The following SPTAN1 variants were observed in gnomAD, a reference collection of about 807,000 sequenced individuals.
The protein encoded by SPTAN1 is spectrin alpha chain, non-erythrocytic 1.
In SPTAN1, 61 loss-of-function variants were observed where a neutral mutation model predicts 331.3. The ratio of observed to expected loss-of-function variants is 0.18; its 90% CI spans 0.15 to 0.23. SPTAN1 has a LOEUF of 0.23. SPTAN1 is among the 10% of genes least tolerant of loss of function. SPTAN1 has a pLI of 1.00. For synonymous variants in SPTAN1, 1,153 were observed against 1,173.9 expected (o/e 0.98, Z 0.36); for missense variants, 2,043 against 3,147.9 (o/e 0.65, Z 8.40).
chr9:128,580,228 T>TA (rs1449002174), intron 10 of SPTAN1, among the ~76,000 whole-genome samples: 1 of 151,544 alleles, frequency 6.6e-6, no homozygotes, highest in Non-Finnish European at 1.5e-5. Flanking sequence ...TATAATGAGT[T>TA]ATGATTTGCA....
chr9:128,588,043 G>C (rs1455841961), intron 20 of SPTAN1, among the ~76,000 whole-genome samples: 4 of 131,104 alleles, frequency 3.1e-5, no homozygotes, highest in Non-Finnish European at 6.3e-5. Flanking sequence ...ATGGAGTCTT[G>C]CTAGAGTGCA....
At chr9:128,626,292 G>A (rs564586129) in intron 48 of SPTAN1, 99 bp from the exon 49 acceptor site, 12 of 1,421,488 alleles carry the variant, frequency 8.4e-6, no homozygotes, top group East Asian at 4.5e-5. Context: ...GGCTGTGTGC[G>A]CCTCTGATTC....
At chr9:128,612,394 G>T in intron 39 of SPTAN1, 148 bp downstream of exon 39, 1 of 1,036,112 alleles carries the variant, frequency 9.7e-7, no homozygotes, top group Admixed American at 2.1e-5. Context: ...GTTGCATGCT[G>T]TAAGGGATTT....
intron 1 of SPTAN1, among the ~76,000 whole-genome samples, chr9:128,564,203 G>A (rs1564190483): frequency 6.6e-6 from 1 of 152,166 alleles, no homozygotes; most frequent in African/African-American, 2.4e-5. Context: ...GGTGGATCAC[G>A]AGGTCAGGAG....
chr9:128,591,393 C>CGT lies in SPTAN1; in HGVS notation c.3007-75_3007-74dup, dbSNP rs1040088927. 2.9e-5 allele frequency: 45 copies of CGT among 1,573,852 alleles called. No homozygotes were observed. In the East Asian group the frequency reaches 7.6e-4, roughly 27 times the overall value. ...TTTGGACCTCTTAAAACAACGCTCT[C>CGT]GTGTGTGTGTATACACGTGACCTCC... On this transcript the variant is annotated intron_variant, in intron 21 of 56. Transcript: ENST00000372739.
intron 41 of SPTAN1, 95 bp downstream of exon 41, chr9:128,615,935 C>A: frequency 7.3e-7 from 1 of 1,365,676 alleles, no homozygotes; most frequent in Non-Finnish European, 1.0e-6. Context: ...GCTGGAAACC[C>A]TGCTGGACTG....
chr9:128,608,786 A>G (rs1856224194), intron 34 of SPTAN1, 88 bp from the exon 35 acceptor site: 1 of 1,325,438 alleles, frequency 7.5e-7, no homozygotes, highest in African/African-American at 1.4e-5. Flanking sequence ...TCAGTCACCC[A>G]AAATAACTAT....
chr9:128,603,212 C>G (rs1424833243), intron 27 of SPTAN1, among the ~76,000 whole-genome samples: 1 of 151,898 alleles, frequency 6.6e-6, no homozygotes, highest in African/African-American at 2.4e-5. Context: ...GAATGTTCTC[C>G]TGTAGTATAG....
rs771512726 is a variant in SPTAN1 at position 128,633,571 on chromosome 9, C to T, written c.*237C>T. 8 of 1,065,474 alleles carry T rather than the reference C, an allele frequency of 7.5e-6. No homozygotes were observed. Among genetic ancestry groups the T allele is most frequent in the Admixed American group, 6.2e-5 (3 of 48,396 alleles). 66.0% of individuals were successfully genotyped at this position (1,065,474 alleles called of 1,614,324 possible). On this transcript the variant is annotated 3_prime_UTR_variant, in exon 57 of 57. Coordinates refer to ENST00000372739, the MANE Select transcript of SPTAN1 (RefSeq NM_001130438.3). The stretch of plus-strand genomic sequence containing the variant: ...TGCCCTCATTCCGACTTCAGAAAAT[C>T]GAAGCAGCTGGCTCCTCCCCTTGTT...
At chr9:128,612,331 A>G (rs1416484723) in intron 39 of SPTAN1, 85 bp downstream of exon 39, 1 of 1,569,136 alleles carries the variant, frequency 6.4e-7, no homozygotes, top group Non-Finnish European at 8.8e-7. Context: ...AAAACCACGA[A>G]AAGGCAGGGC....
rs1856620053 is a variant in SPTAN1 at position 128,611,965 on chromosome 9, T to A, written c.4905+120T>A. ...AAATGGATTATAGAAGACTTTAGGC[T>A]GAATTACAGATGGGGAATGCTAGTG... On this transcript the variant is annotated intron_variant, in intron 38 of 56. Coordinates refer to ENST00000372739, the MANE Select transcript of SPTAN1 (RefSeq NM_001130438.3). The A allele has an allele frequency of 1.6e-5, 25 of 1,601,276 alleles. No individual in the cohort carries two copies. In the South Asian group the frequency reaches 2.8e-4, roughly 18 times the overall value.
rs774659049 is a variant in SPTAN1, at chr9:128,591,497, G to A, written c.3027G>A (p.Val1009=). 5 of 1,614,146 alleles carry A rather than the reference G, an allele frequency of 3.1e-6. No individual in the cohort carries two copies. The highest frequency in any genetic ancestry group is 4.2e-6 in the Non-Finnish European group (5 of 1,180,028). ...STNKDWWKVE[V]NDRQGFVPAA... is the part of the protein sequence containing the mutation. ...CTTAGGATTGGTGGAAAGTGGAAGT[G>A]AACGATCGTCAGGGTTTTGTGCCGG... The change falls in exon 22 of 57, where the codon GTG becomes GTA. Residue 1009 remains valine, a synonymous_variant. Coordinates refer to ENST00000372739, the MANE Select transcript of SPTAN1 (RefSeq NM_001130438.3).
At chr9:128,631,976 C>A in intron 52 of SPTAN1, 151 bp from the exon 53 acceptor site, 1 of 755,028 alleles carries the variant, frequency 1.3e-6, no homozygotes, top group Non-Finnish European at 2.2e-6. Flanking sequence ...TTCAGCTTCA[C>A]CCCATCCCAC....
intron 24 of SPTAN1, among the ~76,000 whole-genome samples, chr9:128,595,360 T>C (rs973801325): frequency 6.6e-6 from 1 of 152,202 alleles, no homozygotes; most frequent in Non-Finnish European, 1.5e-5. Context: ...TCTGCCCACC[T>C]CAGCTTCCCA....
rs1251494639 is a variant in SPTAN1, at chr9:128,612,242, C to G, written c.5039C>G (p.Ser1680Cys). 5 of 1,614,046 alleles carry G rather than the reference C, an allele frequency of 3.1e-6. No individual in the cohort carries two copies. In the African/African-American group the frequency reaches 4.0e-5, roughly 13 times the overall value. The change falls in exon 39 of 57, where the codon TCT (serine) becomes TGT (cysteine). Residue 1680 changes from serine (S) to cysteine (C), a missense_variant. Around this residue, in one of 12 missense-constraint regions of SPTAN1, gnomAD observed 323 missense variants for 581.1 expected, o/e 0.56. Transcript: ENST00000372739. Reference sequence around the variant, plus strand: ...ATCAAGGACTTTGACTTCTGGCTGTCTGAGGTAACACTGAGTGGTTCCTCT... The same window carrying G: ...ATCAAGGACTTTGACTTCTGGCTGTGTGAGGTAACACTGAGTGGTTCCTCT... ...TGIKDFDFWLSEVEALLASED... is the reference protein window; with the variant it reads ...TGIKDFDFWLCEVEALLASED...
At position 128,582,463 on chromosome 9, in the gene SPTAN1, T is replaced by G; in HGVS notation, c.1573-16T>G. 6.2e-7 allele frequency: 1 copy of G among 1,613,632 alleles called. No homozygotes were observed. The highest frequency in any genetic ancestry group is 8.5e-7 in the Non-Finnish European group (1 of 1,179,540). On this transcript the variant is annotated splice_polypyrimidine_tract_variant and intron_variant, in intron 12 of 56. Transcript: ENST00000372739. ...TAGTGTGCTTACCAATGAAGAACTC[T>G]TATCTTCCTTCCTAGGCATTAGATG...
At chr9:128,606,918 A>G (rs1855970056) in intron 31 of SPTAN1, among the ~76,000 whole-genome samples, 1 of 152,144 alleles carries the variant, frequency 6.6e-6, no homozygotes, top group African/African-American at 2.4e-5. Flanking sequence ...GAACATTTTC[A>G]TTGCCCTAGA....
In SPTAN1 at chr9:128,629,284, G is replaced by T; in HGVS notation, c.6708-1037G>T. The T allele has an allele frequency of 2.5e-6, 1 of 395,802 alleles. No homozygotes were observed. The highest frequency in any genetic ancestry group is 3.6e-5 in the East Asian group (1 of 27,920). The allele number at this position is 395,802 out of a possible 1,614,324, so 24.5% of individuals were successfully genotyped here. On this transcript the variant is annotated intron_variant, in intron 51 of 56. Transcript: ENST00000372739. The surrounding 1 kb of genome is among the most constrained non-coding windows in gnomAD (Gnocchi z 4.9). ...CCACCCTGACTAACCTGCCGCCCTCGGCTGCTTGGGAAGGAGGGGTCTGTC... is the reference window on the plus strand; with the variant it reads ...CCACCCTGACTAACCTGCCGCCCTCTGCTGCTTGGGAAGGAGGGGTCTGTC...
At position 128,566,911 on chromosome 9, in the gene SPTAN1, G is replaced by C; in HGVS notation, c.171G>C (p.Glu57Asp). 6.2e-7 allele frequency: 1 copy of C among 1,614,186 alleles called. No individual in the cohort carries two copies. Among genetic ancestry groups the C allele is most frequent in the Non-Finnish European group, 8.5e-7 (1 of 1,180,020 alleles). ...QFFQRDAEEL[E>D]KWIQEKLQIA... ...TTCAAAGAGATGCTGAAGAGCTGGA[G>C]AAATGGATACAGGAAAAACTTCAGA... is the stretch of plus-strand genomic sequence containing the variant. The change falls in exon 2 of 57, where the codon GAG becomes GAC. Residue 57 changes from glutamate (E) to aspartate (D), a missense_variant. Glu to Asp is a conservative substitution (Grantham distance 45, BLOSUM62 2). Around this residue, in one of 12 missense-constraint regions of SPTAN1, gnomAD observed 1,038 missense variants for 1,531.5 expected, o/e 0.68. Coordinates refer to ENST00000372739, the MANE Select transcript of SPTAN1 (RefSeq NM_001130438.3).
Sources: allele counts gnomAD v4.1 joint callset (sites outside exome capture counted in the v4.1 genomes callset), GRCh38; gene constraint gnomAD v4.1.1; regional missense constraint gnomAD v4.1.1; non-coding constraint Gnocchi (gnomAD v3.1); transcripts MANE v1.5; gene names NCBI Gene and HGNC (gene_info 2026-07-23, HGNC 2026-07-21).